The following UBE2QL1 variants were observed in gnomAD, a reference collection of about 807,000 sequenced individuals.
UBE2QL1 encodes ubiquitin conjugating enzyme E2 QL1, also known as ubiquitin-conjugating enzyme E2Q-like protein 1.
Under a neutral mutation model 12.6 loss-of-function variants are expected in UBE2QL1, and 5 were observed. The ratio of observed to expected loss-of-function variants is 0.40; its 90% confidence interval spans 0.21 to 0.83. The LOEUF (loss-of-function observed/expected upper bound fraction) is 0.83, where lower values mean the gene tolerates loss of function less well. Ranked by LOEUF, UBE2QL1 falls within the 40% of genes least tolerant of loss-of-function variation. The pLI, the probability that UBE2QL1 is intolerant of heterozygous loss-of-function variation, is 0.37. For missense variants in UBE2QL1, 99 were observed against 222.6 expected (o/e 0.44, Z 3.53); for synonymous variants, 96 against 94.5 (o/e 1.02, Z -0.10).
rs272464 is a variant in UBE2QL1 at position 6,478,175 on chromosome 5, G to A, written c.355-13043G>A. Among the ~76,000 whole-genome samples the A allele has an allele frequency of 2.0e-5, 3 of 152,150 alleles. No homozygotes were observed. The highest frequency in any genetic ancestry group is 6.5e-5 in the Admixed American group (1 of 15,282). ...TTGTGCCCAGATCATATTTTCACACGGAAATTTTACCTGAAAATATATCTG... is the reference window on the plus strand; with the variant it reads ...TTGTGCCCAGATCATATTTTCACACAGAAATTTTACCTGAAAATATATCTG... On this transcript the variant is annotated intron_variant, in intron 1 of 1. Transcript: ENST00000399816. The surrounding 1 kb of genome is among the most constrained non-coding windows in gnomAD (Gnocchi z 4.5).
Position 6,461,543 on chromosome 5 carries a change from A to AC in UBE2QL1, c.354+12305dup, listed in dbSNP as rs71953375. ...TCCCCAGTGTTTTTCAGCACCCACC[A>AC]CCCCCCCCCGCCGGCATATCATTCT... On this transcript the variant is annotated intron_variant, in intron 1 of 1. Coordinates refer to ENST00000399816, the MANE Select transcript of UBE2QL1 (RefSeq NM_001145161.3). Among the ~76,000 whole-genome samples the AC allele has an allele frequency of 8.0e-3, 339 of 42,228 alleles. 17 individuals carry two copies. The highest frequency in any genetic ancestry group is 0.021 in the African/African-American group (284 of 13,538). The allele number at this position is 42,228 out of a possible 152,430, so 27.7% of individuals were successfully genotyped here.
At chr5:6,463,406 G>A (rs1739715404) in intron 1 of UBE2QL1, among the ~76,000 whole-genome samples, 1 of 152,034 alleles carries the variant, frequency 6.6e-6, no homozygotes, top group Non-Finnish European at 1.5e-5. Context: ...TGTCCTTGGT[G>A]CAGGGCCTTG....
intron 1 of UBE2QL1, among the ~76,000 whole-genome samples, chr5:6,485,449 C>T (rs962554635): frequency 2.0e-5 from 3 of 152,204 alleles, no homozygotes; most frequent in Admixed American, 6.5e-5. Flanking sequence ...AAGCGGACCT[C>T]CTTTGAAAGA....
intron 1 of UBE2QL1, among the ~76,000 whole-genome samples, chr5:6,451,000 G>A (rs1466257943): frequency 6.6e-6 from 1 of 152,196 alleles, no homozygotes; most frequent in Non-Finnish European, 1.5e-5. Flanking sequence ...AGAATTCTTT[G>A]CAGAAATGCC....
intron 1 of UBE2QL1, among the ~76,000 whole-genome samples, chr5:6,471,549 A>T (rs1739912562): frequency 6.6e-6 from 1 of 152,186 alleles, no homozygotes; most frequent in Non-Finnish European, 1.5e-5. Context: ...GGCCTCCCTC[A>T]TAGGGAGCTA....
intron 1 of UBE2QL1, 63 bp from the exon 2 acceptor site, chr5:6,491,155 A>G: frequency 1.4e-6 from 2 of 1,461,840 alleles, no homozygotes; most frequent in Non-Finnish European, 9.1e-7. Context: ...TTTTTAATAA[A>G]GATGGTAGGA....
chr5:6,463,545 G>A (rs887370652), intron 1 of UBE2QL1, among the ~76,000 whole-genome samples: 2 of 151,692 alleles, frequency 1.3e-5, no homozygotes, highest in African/African-American at 2.4e-5. Flanking sequence ...GACCGGGAGC[G>A]AGACCGTGGT....
chr5:6,477,782 CAA>C (rs1443158253), intron 1 of UBE2QL1, among the ~76,000 whole-genome samples: 2 of 152,166 alleles, frequency 1.3e-5, no homozygotes, highest in African/African-American at 4.8e-5. Context: ...GGCTGTTGAC[CAA>C]ATCTGGGTGG....
chr5:6,463,609 T>TATG (rs1739720946), intron 1 of UBE2QL1, among the ~76,000 whole-genome samples: 1 of 146,190 alleles, frequency 6.8e-6, no homozygotes, highest in Admixed American at 6.9e-5. Flanking sequence ...TTATTATTAT[T>TATG]ATTATTATTA....
intron 1 of UBE2QL1, among the ~76,000 whole-genome samples, chr5:6,461,696 G>T (rs1254866855): frequency 6.6e-6 from 1 of 152,114 alleles, no homozygotes; most frequent in Admixed American, 6.5e-5. Context: ...AAACAGACCT[G>T]CCCTACAGTG....
chr5:6,455,517 T>C (rs1739502766), intron 1 of UBE2QL1, among the ~76,000 whole-genome samples: 1 of 152,090 alleles, frequency 6.6e-6, no homozygotes, highest in East Asian at 1.9e-4. Flanking sequence ...TGTTAGTCCT[T>C]TCTTCTCTGC....
intron 1 of UBE2QL1, among the ~76,000 whole-genome samples, chr5:6,464,536 TG>T (rs2126340457): frequency 6.6e-6 from 1 of 152,326 alleles, no homozygotes; most frequent in East Asian, 1.9e-4. Flanking sequence ...TCTTGGCCCC[TG>T]CTAGCTGCAC....
intron 1 of UBE2QL1, among the ~76,000 whole-genome samples, chr5:6,467,896 T>G (rs1464156891): frequency 6.6e-6 from 1 of 152,192 alleles, no homozygotes; most frequent in Non-Finnish European, 1.5e-5. Flanking sequence ...GAATTTTTTC[T>G]TTCTTCCTTT....
intron 1 of UBE2QL1, among the ~76,000 whole-genome samples, chr5:6,461,236 T>C (rs1378045253): frequency 6.6e-6 from 1 of 152,184 alleles, no homozygotes; most frequent in Non-Finnish European, 1.5e-5. Context: ...TCACATTCTC[T>C]TAACTGGTCA....
intron 1 of UBE2QL1, among the ~76,000 whole-genome samples, chr5:6,449,475 G>A (rs1384269106): frequency 6.6e-6 from 1 of 152,092 alleles, no homozygotes; most frequent in Non-Finnish European, 1.5e-5. Flanking sequence ...GTCCCCGTCT[G>A]GTCTCAGTCT....
Position 6,451,831 on chromosome 5 carries a change from G to A in UBE2QL1, c.354+2584G>A, listed in dbSNP as rs77009322. Among the ~76,000 whole-genome samples, 980 of 152,276 alleles carry A rather than the reference G, an allele frequency of 6.4e-3. 8 individuals carry two copies. Among genetic ancestry groups the A allele is most frequent in the African/African-American group, 0.022 (923 of 41,544 alleles). Reference sequence around the variant, plus strand: ...TACTTTTGCAAATTCACTACCTACTGGTTGTTCAGAGCACATATGGTAGTT... The same window carrying A: ...TACTTTTGCAAATTCACTACCTACTAGTTGTTCAGAGCACATATGGTAGTT... On this transcript the variant is annotated intron_variant, in intron 1 of 1. Coordinates refer to ENST00000399816, the MANE Select transcript of UBE2QL1 (RefSeq NM_001145161.3).
intron 1 of UBE2QL1, among the ~76,000 whole-genome samples, chr5:6,451,248 AT>A (rs11385108): frequency 4.4e-4 from 66 of 150,386 alleles, no homozygotes; most frequent in Admixed American, 9.9e-4. Context: ...AGAAATGGGG[AT>A]TTTTTTTTTT....
chr5:6,480,147 C>T (rs1734329900), intron 1 of UBE2QL1, among the ~76,000 whole-genome samples: 3 of 152,194 alleles, frequency 2.0e-5, no homozygotes, highest in Non-Finnish European at 2.9e-5. Context: ...GTGACCCTTC[C>T]GCACGTTTCT....
intron 1 of UBE2QL1, among the ~76,000 whole-genome samples, chr5:6,464,890 A>G (rs1475014814): frequency 6.6e-6 from 1 of 152,238 alleles, no homozygotes; most frequent in East Asian, 1.9e-4. Flanking sequence ...AAGAAGCTAC[A>G]ATTCAATGGA....
Sources: allele counts gnomAD v4.1 joint callset (sites outside exome capture counted in the v4.1 genomes callset), GRCh38; gene constraint gnomAD v4.1.1; non-coding constraint Gnocchi (gnomAD v3.1); transcripts MANE v1.5; gene names NCBI Gene and HGNC (gene_info 2026-07-23, HGNC 2026-07-21).